NRXN3: variants seen among roughly 807,000 people sequenced by gnomAD.
NRXN3 encodes the protein neurexin 3, also known as neurexin III.
Under a neutral mutation model 137.6 loss-of-function variants are expected in NRXN3, and 32 were observed. That is an observed-to-expected ratio of 0.23 (90% CI 0.18 to 0.31). The LOEUF is 0.31. Among genes scored for constraint, NRXN3 ranks in the 10% least tolerant of loss-of-function variants. The probability of loss-of-function intolerance (pLI) is 1.00; values close to 1 mark genes in which losing one functional copy is unlikely to be tolerated. For missense variants in NRXN3, 1,574 were observed against 2,062.5 expected, an observed-to-expected ratio of 0.76 and a Z score of 4.59; for synonymous variants, 798 against 784.5, an observed-to-expected ratio of 1.02 and a Z score of -0.29.
intron 4 of NRXN3, among the ~76,000 whole-genome samples, chr14:78,621,626 A>C (rs147306920): frequency 2.0e-5 from 3 of 152,218 alleles, no homozygotes; most frequent in African/African-American, 7.2e-5. Flanking sequence ...TTATTCAATC[A>C]TACCAATCTT....
At chr14:79,683,331 A>G (rs767552695) in intron 17 of NRXN3, among the ~76,000 whole-genome samples, 2 of 151,774 alleles carry the variant, frequency 1.3e-5, no homozygotes, top group Non-Finnish European at 2.9e-5. Context: ...ACCTGGGCTC[A>G]TTAAAAAACA....
chr14:78,912,079 T>C (rs541237939), intron 10 of NRXN3, among the ~76,000 whole-genome samples: 52 of 151,168 alleles, frequency 3.4e-4, no homozygotes, highest in African/African-American at 7.8e-4. Context: ...CTGCCCCCCA[T>C]CCCACAACAG....
chr14:78,181,664 C>T (rs1263769737), intron 1 of NRXN3, among the ~76,000 whole-genome samples: 1 of 152,140 alleles, frequency 6.6e-6, no homozygotes, highest in Non-Finnish European at 1.5e-5. Flanking sequence ...CAGAGTAAAT[C>T]TCCGCACAAC....
At chr14:79,590,514 G>A (rs1434223076) in intron 16 of NRXN3, among the ~76,000 whole-genome samples, 4 of 150,496 alleles carry the variant, frequency 2.7e-5, no homozygotes, top group African/African-American at 9.8e-5. Flanking sequence ...TTACTTCTGG[G>A]ACACTGTTGA....
chr14:78,180,629 T>C (rs1209074364), intron 1 of NRXN3, among the ~76,000 whole-genome samples: 1 of 152,232 alleles, frequency 6.6e-6, no homozygotes, highest in Non-Finnish European at 1.5e-5. Context: ...TGTGTTCTAT[T>C]GTCCCATATA....
intron 4 of NRXN3, among the ~76,000 whole-genome samples, chr14:78,579,740 G>A (rs956571679): frequency 3.9e-5 from 6 of 152,096 alleles, no homozygotes; most frequent in Non-Finnish European, 8.8e-5. Flanking sequence ...GAGCATGAAA[G>A]TTCACCTAAT....
At chr14:79,245,910 G>A (rs1383513931) in intron 15 of NRXN3, among the ~76,000 whole-genome samples, 15 of 152,100 alleles carry the variant, frequency 9.9e-5, no homozygotes, top group Admixed American at 1.3e-4. Flanking sequence ...GTACAGGCGC[G>A]TGTTTGGTAA....
At chr14:79,829,532 G>A (rs138119638) in intron 20 of NRXN3, among the ~76,000 whole-genome samples, 85 of 152,230 alleles carry the variant, frequency 5.6e-4, no homozygotes, top group African/African-American at 1.8e-3. Context: ...ATGGAGTCAG[G>A]AGCCAGTAAC....
chr14:78,264,835 A>G (rs2153479129), intron 2 of NRXN3, among the ~76,000 whole-genome samples: 1 of 152,328 alleles, frequency 6.6e-6, no homozygotes, highest in South Asian at 2.1e-4. Flanking sequence ...TAGTGGGTCT[A>G]TACCACCCAT....
intron 15 of NRXN3, among the ~76,000 whole-genome samples, chr14:79,076,829 C>T (rs370258660): frequency 7.9e-5 from 12 of 152,158 alleles, no homozygotes; most frequent in South Asian, 4.2e-4. Context: ...GCTGAGATGG[C>T]GTGTAAAAAG....
chr14:79,020,615 C>T (rs149906120), intron 15 of NRXN3, among the ~76,000 whole-genome samples: 26 of 151,736 alleles, frequency 1.7e-4, no homozygotes, highest in African/African-American at 6.0e-4. Flanking sequence ...GCTGAGACTG[C>T]GGGTCAGGGT....
At chr14:78,727,499 GT>G (rs1567161914) in intron 8 of NRXN3, among the ~76,000 whole-genome samples, 1 of 152,068 alleles carries the variant, frequency 6.6e-6, no homozygotes, top group Non-Finnish European at 1.5e-5. Context: ...TTCCAGCACT[GT>G]GGGAGGCCAG....
At chr14:79,046,217 T>A (rs2099632939) in intron 15 of NRXN3, among the ~76,000 whole-genome samples, 1 of 152,194 alleles carries the variant, frequency 6.6e-6, no homozygotes, top group African/African-American at 2.4e-5. Context: ...CTCCTTTCCT[T>A]TCCTTCTAGA....
intron 19 of NRXN3, among the ~76,000 whole-genome samples, chr14:79,785,148 G>C (rs2099125624): frequency 2.0e-5 from 3 of 152,176 alleles, no homozygotes; most frequent in African/African-American, 7.2e-5. Context: ...GTGCTTGGCA[G>C]AACAGTTGCT....
At chr14:79,003,345 C>T (rs2099545632) in intron 15 of NRXN3, among the ~76,000 whole-genome samples, 1 of 152,184 alleles carries the variant, frequency 6.6e-6, no homozygotes, top group South Asian at 2.1e-4. Context: ...TTTCAATACA[C>T]AATCTTAACT....
chr14:78,516,631 G>A (rs951019019), intron 4 of NRXN3, among the ~76,000 whole-genome samples: 2 of 151,994 alleles, frequency 1.3e-5, no homozygotes, highest in Non-Finnish European at 2.9e-5. Context: ...TTCTAGGTCT[G>A]TGTCCCTGAA....
chr14:79,271,616 CT>C (rs1390359489), intron 15 of NRXN3, among the ~76,000 whole-genome samples: 4 of 151,046 alleles, frequency 2.6e-5, no homozygotes, highest in African/African-American at 9.7e-5. Flanking sequence ...CGTGCCTTGC[CT>C]TTCTGTATCC....
rs376464334 is a variant in NRXN3, at chr14:79,729,960, C to T, written c.4014+32023C>T. Reference sequence around the variant, plus strand: ...TGTGAACCAAAAGCAAATTATTAGGCTTGGAGAGTGGTGGGTAGTCAGAGA... The same window carrying T: ...TGTGAACCAAAAGCAAATTATTAGGTTTGGAGAGTGGTGGGTAGTCAGAGA... On this transcript the variant is annotated intron_variant, in intron 19 of 20. Coordinates refer to ENST00000335750, the MANE Select transcript of NRXN3 (RefSeq NM_001330195.2). Among the ~76,000 whole-genome samples the T allele has an allele frequency of 2.4e-4, 37 of 152,026 alleles. 1 individual carries two copies. The highest frequency in any genetic ancestry group is 8.3e-4 in the South Asian group (4 of 4,816).
chr14:79,599,009 C>A lies in NRXN3; in HGVS notation c.3445-64769C>A, dbSNP rs566730475. On this transcript the variant is annotated intron_variant, in intron 16 of 20. Coordinates refer to ENST00000335750, the MANE Select transcript of NRXN3 (RefSeq NM_001330195.2). ...TGTCTTCTTCTACATTGCACTCAAG[C>A]TTAACTCTGCACTTTTAAAATCAAC... 9.9e-4 allele frequency among the ~76,000 whole-genome samples: 151 copies of A among 152,286 alleles called. 1 individual carries two copies. Among genetic ancestry groups the A allele is most frequent in the African/African-American group, 3.4e-3 (142 of 41,554 alleles).
Sources: gnomAD v4.1 joint callset for allele counts (sites outside exome capture counted in the v4.1 genomes callset) on GRCh38, gnomAD v4.1.1 for gene constraint, MANE v1.5 for transcripts, NCBI Gene and HGNC (gene_info 2026-07-23, HGNC 2026-07-21) for gene names.